The following NRG1 variants were observed in gnomAD, a reference collection of about 807,000 sequenced individuals.
NRG1 encodes the protein pro-neuregulin-1, membrane-bound isoform.
A neutral mutation model predicts 63.8 loss-of-function variants in NRG1; 18 were observed. The ratio of observed to expected loss-of-function variants is 0.28; its 90% CI spans 0.19 to 0.42. The LOEUF (loss-of-function observed/expected upper bound fraction) is 0.42. NRG1 is among the 10% of genes least tolerant of loss of function. The pLI is 1.00. For synonymous variants in NRG1, 302 were observed against 301.3 expected (o/e 1.00, Z -0.02); for missense variants, 762 against 814.7 (o/e 0.94, Z 0.79).
chr8:31,683,630 T>C (rs1159914213), intron 1 of NRG1, among the ~76,000 whole-genome samples: 1 of 152,174 alleles, frequency 6.6e-6, no homozygotes, highest in Non-Finnish European at 1.5e-5. Flanking sequence ...CATGTCATTA[T>C]ACATTTGTCA....
At chr8:32,519,871 T>C (rs1241259654) in intron 1 of NRG1, among the ~76,000 whole-genome samples, 1 of 152,138 alleles carries the variant, frequency 6.6e-6, no homozygotes, top group Non-Finnish European at 1.5e-5. Context: ...GCCACCGTGT[T>C]TTCTTGTGTA....
intron 1 of NRG1, among the ~76,000 whole-genome samples, chr8:32,273,312 G>A (rs973634599): frequency 6.6e-6 from 1 of 151,946 alleles, no homozygotes; most frequent in Admixed American, 6.6e-5. Context: ...ACCCCCTCCC[G>A]ACTTTTGGAA....
intron 1 of NRG1, among the ~76,000 whole-genome samples, chr8:32,056,896 A>G (rs1443299889): frequency 1.3e-5 from 2 of 152,214 alleles, no homozygotes; most frequent in South Asian, 4.1e-4. Context: ...AAGAGATAGT[A>G]AAGTTGATAA....
intron 2 of NRG1, among the ~76,000 whole-genome samples, chr8:32,596,370 G>A (rs372320322): frequency 9.2e-5 from 14 of 152,160 alleles, no homozygotes; most frequent in South Asian, 6.2e-4. Flanking sequence ...TTGGGAGGCC[G>A]AGGAGGGCAG....
At chr8:32,524,751 T>C (rs1830661263) in intron 1 of NRG1, among the ~76,000 whole-genome samples, 1 of 152,162 alleles carries the variant, frequency 6.6e-6, no homozygotes. Context: ...CTACATCTAA[T>C]GAATCAGATG....
upstream of NRG1, among the ~76,000 whole-genome samples, chr8:32,544,679 CTTTTTTT>C (rs755780220): frequency 4.1e-4 from 33 of 80,466 alleles, no homozygotes; most frequent in Non-Finnish European, 5.6e-4. Flanking sequence ...ATTTTTGTAT[CTTTTTTT>C]TTTTTTTTTT....
At chr8:31,865,389 C>G (rs763331221) in intron 1 of NRG1, among the ~76,000 whole-genome samples, 6 of 152,218 alleles carry the variant, frequency 3.9e-5, no homozygotes, top group Middle Eastern at 3.4e-3. Flanking sequence ...TCCACCTCCT[C>G]AGAACAAGTG....
At chr8:32,421,540 A>G (rs1475321047) in intron 1 of NRG1, among the ~76,000 whole-genome samples, 3 of 152,190 alleles carry the variant, frequency 2.0e-5, no homozygotes, top group Non-Finnish European at 4.4e-5. Context: ...CAGCAGGGCT[A>G]TTACCGTTCC....
rs1448990867 is a variant in NRG1, at chr8:32,297,626, G to A, written c.38-298202G>A. Among the ~76,000 whole-genome samples, 3 of 152,144 alleles carry A rather than the reference G, an allele frequency of 2.0e-5. No homozygotes were observed. In the East Asian group the frequency reaches 5.8e-4, roughly 29 times the overall value. On this transcript the variant is annotated intron_variant, in intron 1 of 10. Coordinates refer to the NRG1 transcript ENST00000519301. ...TTGCCCAGGGCTGTTTATCTTAGTT[G>A]AGTACAGCCAAGTACAAACCAGAGC...
intron 1 of NRG1, among the ~76,000 whole-genome samples, chr8:32,293,638 A>T (rs1432824908): frequency 1.3e-5 from 2 of 149,770 alleles, no homozygotes; most frequent in African/African-American, 2.5e-5. Context: ...TTTTATTTTA[A>T]TTTTTTTCTA....
At chr8:32,147,986 G>GGATAAACATAGTGGTCA (rs1837078221) in intron 1 of NRG1, among the ~76,000 whole-genome samples, 1 of 151,982 alleles carries the variant, frequency 6.6e-6, no homozygotes, top group Admixed American at 6.6e-5. Flanking sequence ...CTTTCTCACT[G>GGATAAACATAGTGGTCA]GATAAACATA....
intron 1 of NRG1, among the ~76,000 whole-genome samples, chr8:32,550,906 T>G (rs1375426567): frequency 1.3e-5 from 2 of 152,218 alleles, no homozygotes; most frequent in East Asian, 3.8e-4. Context: ...CACCAGATTA[T>G]AATCTTTTTT....
intron 5 of NRG1, among the ~76,000 whole-genome samples, chr8:32,627,027 T>A (rs150846338): frequency 0.032 from 4,638 of 144,252 alleles, 145 homozygotes; most frequent in African/African-American, 0.096. Flanking sequence ...CTCAAAAAAA[T>A]AAAAATAAAA....
chr8:32,630,247 G>C (rs1850031364), intron 5 of NRG1, among the ~76,000 whole-genome samples: 1 of 152,104 alleles, frequency 6.6e-6, no homozygotes, highest in African/African-American at 2.4e-5. Flanking sequence ...TCCCTAATGA[G>C]ATGACCAAAT....
At chr8:32,741,232 ATG>A (rs1438237182) in intron 6 of NRG1, among the ~76,000 whole-genome samples, 9 of 152,330 alleles carry the variant, frequency 5.9e-5, no homozygotes, top group Admixed American at 2.0e-4. Context: ...AGTTAAATAT[ATG>A]TGAGTGAATA....
chr8:32,614,624 G>A lies in NRG1; in HGVS notation c.451+60G>A, dbSNP rs1195926083. 18 of 1,521,596 alleles carry A rather than the reference G, an allele frequency of 1.2e-5. No homozygotes were observed. The Admixed American group carries it at 2.9e-4, about 24-fold the overall frequency. 94.3% of individuals were successfully genotyped at this position (1,521,596 alleles called of 1,614,324 possible). ...AGAATGACAACCATAACTGCTGGCTGCTCCTTCTACTAATCAGAACCCCTT... is the reference window on the plus strand; with the variant it reads ...AGAATGACAACCATAACTGCTGGCTACTCCTTCTACTAATCAGAACCCCTT... On this transcript the variant is annotated intron_variant, in intron 4 of 11. Transcript: ENST00000356819.
intron 1 of NRG1, among the ~76,000 whole-genome samples, chr8:31,740,700 A>AGT (rs1815179158): frequency 6.6e-6 from 1 of 151,774 alleles, no homozygotes; most frequent in Non-Finnish European, 1.5e-5. Flanking sequence ...AGAGAGAGAG[A>AGT]GAGAGGGACC....
chr8:32,045,154 T>A (rs961369593), intron 1 of NRG1, among the ~76,000 whole-genome samples: 6 of 151,990 alleles, frequency 3.9e-5, no homozygotes, highest in Middle Eastern at 3.4e-3. Context: ...ATTAAAAGCA[T>A]AAGAAGGTTA....
intron 1 of NRG1, among the ~76,000 whole-genome samples, chr8:32,424,092 G>T (rs1587562776): frequency 6.6e-6 from 1 of 152,176 alleles, no homozygotes; most frequent in African/African-American, 2.4e-5. Context: ...GACTTGGTTA[G>T]TTGGGTCTAA....
Sources: gnomAD v4.1 joint callset for allele counts (sites outside exome capture counted in the v4.1 genomes callset) on GRCh38, gnomAD v4.1.1 for gene constraint, MANE v1.5 for transcripts, NCBI Gene and HGNC (gene_info 2026-07-23, HGNC 2026-07-21) for gene names.